DNAH5: variants seen among roughly 807,000 people sequenced by gnomAD.
The protein encoded by DNAH5 is dynein axonemal heavy chain 5.
Under a neutral mutation model 518.2 loss-of-function variants are expected in DNAH5, and 372 were observed. The ratio of observed to expected loss-of-function variants is 0.72; its 90% CI spans 0.66 to 0.78. DNAH5 has a LOEUF of 0.78. Ranked by LOEUF, DNAH5 falls within the 30% of genes least tolerant of loss-of-function variation. The probability of loss-of-function intolerance (pLI) is 0.00; values close to 1 mark genes in which losing one functional copy is unlikely to be tolerated. For synonymous variants in DNAH5, 2,039 were observed against 2,025.9 expected (o/e 1.01, Z -0.17); for missense variants, 5,523 against 5,687.0 (o/e 0.97, Z 0.93).
chr5:13,780,022 A>T (rs1166420229), intron 53 of DNAH5, among the ~76,000 whole-genome samples: 3 of 152,134 alleles, frequency 2.0e-5, no homozygotes, highest in Non-Finnish European at 4.4e-5. Context: ...TCATCACTTT[A>T]AAGGCCTCCA....
intron 12 of DNAH5, 105 bp downstream of exon 12, chr5:13,911,278 CATG>C (rs913455787): frequency 1.2e-6 from 1 of 849,104 alleles, no homozygotes; most frequent in African/African-American, 1.7e-5. Context: ...CGGTCACCTC[CATG>C]ATGAAGATAC....
chr5:13,935,816 T>C (rs1203330487), intron 1 of DNAH5, among the ~76,000 whole-genome samples: 1 of 152,154 alleles, frequency 6.6e-6, no homozygotes, highest in African/African-American at 2.4e-5. Context: ...CTGCTGGCCT[T>C]TGAAACACCT....
chr5:13,832,953 C>T (rs1763865437), intron 35 of DNAH5, among the ~76,000 whole-genome samples: 1 of 152,094 alleles, frequency 6.6e-6, no homozygotes, highest in Non-Finnish European at 1.5e-5. Context: ...ACAGGTAAAC[C>T]AGAAATGGTT....
At position 13,957,908 on chromosome 5, in the gene DNAH5, C is replaced by A. The variant is rs190939511; in HGVS notation, c.13-26664G>T. 4.3e-3 allele frequency among the ~76,000 whole-genome samples: 649 copies of A among 151,638 alleles called. 14 individuals are homozygous for A. Among genetic ancestry groups the A allele is most frequent in the Non-Finnish European group, 2.3e-3 (153 of 67,774 alleles). On this transcript the variant is annotated intron_variant, in intron 1 of 78. Transcript: ENST00000681290. The stretch of plus-strand genomic sequence containing the variant: ...AACACTATTAACATATATTCTTCTA[C>A]TCCATGAGCAATAAATATTCTAGCT...
chr5:13,833,186 A>G (rs1763922899), intron 35 of DNAH5, among the ~76,000 whole-genome samples: 1 of 151,628 alleles, frequency 6.6e-6, no homozygotes. Flanking sequence ...CATGCCTGTA[A>G]TCTCAGCACT....
At chr5:13,864,962 G>A (rs1769008536) in intron 27 of DNAH5, among the ~76,000 whole-genome samples, 1 of 151,204 alleles carries the variant, frequency 6.6e-6, no homozygotes, top group African/African-American at 2.4e-5. Context: ...ACAAAGCATA[G>A]CAAAGTGTAT....
At chr5:13,875,217 C>CA (rs1302217212) in intron 22 of DNAH5, among the ~76,000 whole-genome samples, 1 of 152,052 alleles carries the variant, frequency 6.6e-6, no homozygotes, top group Non-Finnish European at 1.5e-5. Flanking sequence ...ACTGTAATCC[C>CA]AGCACTTTGG....
At chr5:13,810,760 C>CAA (rs199724810) in intron 44 of DNAH5, among the ~76,000 whole-genome samples, 1 of 125,872 alleles carries the variant, frequency 7.9e-6, no homozygotes. Context: ...TGTCAAAAAA[C>CAA]AAAACAAACA....
intron 78 of DNAH5, among the ~76,000 whole-genome samples, chr5:13,695,389 T>C (rs187119826): frequency 2.0e-5 from 3 of 152,242 alleles, no homozygotes; most frequent in East Asian, 1.9e-4. Context: ...CAGTCTACCT[T>C]AGCAGGTACC....
Position 13,817,579 on chromosome 5 carries a change from C to G in DNAH5, c.6957G>C (p.Thr2319=). Residue 2319 remains threonine (T), a synonymous_variant, in exon 42 of 79, where the codon ACG becomes ACC. Coordinates refer to ENST00000265104, the MANE Select transcript of DNAH5 (RefSeq NM_001369.3). ...TNDWTDGIFS[T]LWRKTLRAKK... ...TTGCTCTTAATGTTTTCCTCCAAAG[C>G]GTAGAAAATATCCCATCAGTCCAGT... 1 of 1,614,136 alleles carries G rather than the reference C, an allele frequency of 6.2e-7. No homozygotes were observed. Among genetic ancestry groups the G allele is most frequent in the Non-Finnish European group, 8.5e-7 (1 of 1,180,010 alleles).
At chr5:13,823,407 T>C (rs1025633504) in intron 39 of DNAH5, 37 bp from the exon 40 acceptor site, 2 of 1,373,610 alleles carry the variant, frequency 1.5e-6, no homozygotes, top group Admixed American at 1.7e-5. Flanking sequence ...CCAATTATTC[T>C]GGTATAAACA....
intron 61 of DNAH5, among the ~76,000 whole-genome samples, chr5:13,758,269 G>A (rs371511219): frequency 6.6e-6 from 1 of 152,116 alleles, no homozygotes; most frequent in Non-Finnish European, 1.5e-5. Context: ...TTGGGAGGCC[G>A]AGGCAGGTGT....
chr5:13,954,035 C>T (rs1461675258), intron 1 of DNAH5, among the ~76,000 whole-genome samples: 1 of 152,098 alleles, frequency 6.6e-6, no homozygotes, highest in African/African-American at 2.4e-5. Flanking sequence ...AAACAAAAGA[C>T]AGTAAAGACC....
rs183263607 is a variant in DNAH5, at chr5:14,004,742, T to A, written c.12+6906A>T. ...GGCCTTCAGAAATTATGACTACTTTTCCATCTTTCTTTTCTAGTATTGGTT... is the reference window on the plus strand; with the variant it reads ...GGCCTTCAGAAATTATGACTACTTTACCATCTTTCTTTTCTAGTATTGGTT... On this transcript the variant is annotated intron_variant, in intron 1 of 78. Coordinates refer to the DNAH5 transcript ENST00000681290. Among the ~76,000 whole-genome samples, 4 of 152,322 alleles carry A rather than the reference T, an allele frequency of 2.6e-5. No homozygotes were observed. The East Asian group carries it at 7.7e-4, about 29-fold the overall frequency.
chr5:13,894,728 G>A lies in DNAH5; in HGVS notation c.2353C>T (p.Leu785Phe). 2 of 1,614,142 alleles carry A rather than the reference G, an allele frequency of 1.2e-6. No homozygotes were observed. The highest frequency in any genetic ancestry group is 1.7e-6 in the Non-Finnish European group (2 of 1,179,974). Residue 785 changes from leucine (L) to phenylalanine (F), a missense_variant, in exon 16 of 79, where the codon CTC becomes TTC. Transcript: ENST00000265104. ...GTCAGTGCAGCCAAGCCAGGTTGGAGAGCTTCATCCACTTTGGCCAAGTGA... is the reference window on the plus strand; with the variant it reads ...GTCAGTGCAGCCAAGCCAGGTTGGAAAGCTTCATCCACTTTGGCCAAGTGA... ...VPHLAKVDEALQPGLAALTWT... is the reference protein window; with the variant it reads ...VPHLAKVDEAFQPGLAALTWT...
chr5:13,866,154 C>T lies in DNAH5; in HGVS notation c.4116+66G>A, dbSNP rs554845009. The T allele has an allele frequency of 1.2e-5, 18 of 1,469,944 alleles. No individual in the cohort carries two copies. In the African/African-American group the frequency reaches 2.5e-4, roughly 20 times the overall value. The allele number at this position is 1,469,944 out of a possible 1,614,324, so 91.1% of individuals were successfully genotyped here. ...GCCCTCTATCTTACAAAGAAGAAAA[C>T]ATATGTGTGTTTAAAACACAACAAA... On this transcript the variant is annotated intron_variant, in intron 26 of 78. Transcript: ENST00000265104.
At chr5:13,755,674 G>C (rs1336281529) in intron 61 of DNAH5, among the ~76,000 whole-genome samples, 1 of 152,120 alleles carries the variant, frequency 6.6e-6, no homozygotes, top group Non-Finnish European at 1.5e-5. Context: ...GTCCATCGGA[G>C]AGAACCATCC....
intron 32 of DNAH5, among the ~76,000 whole-genome samples, chr5:13,843,615 T>C (rs573790557): frequency 6.6e-6 from 1 of 152,294 alleles, no homozygotes; most frequent in South Asian, 2.1e-4. Flanking sequence ...ACAGCAGCCC[T>C]AGGAAACTAA....
intron 1 of DNAH5, among the ~76,000 whole-genome samples, chr5:14,007,025 AC>A (rs1053823208): frequency 1.3e-5 from 2 of 152,066 alleles, no homozygotes; most frequent in Non-Finnish European, 2.9e-5. Context: ...CTGGATGTGG[AC>A]CAGGCCCTCC....
Sources: gnomAD v4.1 joint callset for allele counts (sites outside exome capture counted in the v4.1 genomes callset) on GRCh38, gnomAD v4.1.1 for gene constraint, MANE v1.5 for transcripts, NCBI Gene and HGNC (gene_info 2026-07-23, HGNC 2026-07-21) for gene names.